Variants in SCARF2 observed in about 807,000 individuals in gnomAD.
SCARF2 encodes the protein scavenger receptor class F member 2.
Under a neutral mutation model 73.4 loss-of-function variants are expected in SCARF2, and 39 were observed. The ratio of observed to expected loss-of-function variants is 0.53; its 90% CI spans 0.41 to 0.69. SCARF2 has a LOEUF of 0.69. Among genes scored for constraint, SCARF2 ranks in the 30% least tolerant of loss-of-function variants. The probability of loss-of-function intolerance (pLI) is 0.00; values close to 1 mark genes in which losing one functional copy is unlikely to be tolerated. For missense variants in SCARF2, 1,148 were observed against 1,303.5 expected (o/e 0.88, Z 1.84); for synonymous variants, 605 against 590.0 (o/e 1.03, Z -0.37).
At chr22:20,431,884 G>C in intron 2 of SCARF2, 38 bp from the exon 3 acceptor site, 1 of 1,596,020 alleles carries the variant, frequency 6.3e-7, no homozygotes, top group Non-Finnish European at 8.5e-7. Context: ...GCGCGTCCTA[G>C]CCCCGCCCCC....
Position 20,430,999 on chromosome 22 carries a change from G to A in SCARF2, c.854+19C>T. The A allele has an allele frequency of 1.3e-6, 2 of 1,566,118 alleles. No homozygotes were observed. The highest frequency in any genetic ancestry group is 1.7e-6 in the Non-Finnish European group (2 of 1,164,154). Reference sequence around the variant, plus strand: ...CGCCCTTCCACCTCCTCCCTCCCTGGCCGAGAGACCGCGCTTACCGGCGGC... The same window carrying A: ...CGCCCTTCCACCTCCTCCCTCCCTGACCGAGAGACCGCGCTTACCGGCGGC... On this transcript the variant is annotated intron_variant, in intron 4 of 10. Coordinates refer to ENST00000622235, the MANE Select transcript of SCARF2 (RefSeq NM_182895.5).
At chr22:20,426,346 G>T in intron 10 of SCARF2, 64 bp from the exon 11 acceptor site, 1 of 1,509,154 alleles carries the variant, frequency 6.6e-7, no homozygotes, top group Non-Finnish European at 8.9e-7. Flanking sequence ...CCAACCTCCA[G>T]GCGCAAACCT....
Position 20,437,784 on chromosome 22 carries a change from G to C in SCARF2, c.-30C>G. ...CGCGGGGCAGGCGCGGGGCGGGCAC[G>C]GGCGCGGGTGCGGCCGCAGCGAGAG... On this transcript the variant is annotated 5_prime_UTR_variant, in exon 1 of 11. Coordinates refer to ENST00000622235, the MANE Select transcript of SCARF2 (RefSeq NM_182895.5). The C allele has an allele frequency of 3.3e-6, 3 of 917,832 alleles. No homozygotes were observed. Among genetic ancestry groups the C allele is most frequent in the South Asian group, 4.8e-5 (1 of 20,854 alleles). The allele number at this position is 917,832 out of a possible 1,614,324, so 56.9% of individuals were successfully genotyped here. A position where few individuals can be genotyped will look rare whatever the true frequency, so the allele number is the denominator to read the frequency against.
intron 6 of SCARF2, chr22:20,430,058 G>A: frequency 1.6e-6 from 1 of 621,510 alleles, no homozygotes; most frequent in Non-Finnish European, 2.8e-6. Context: ...GGGGCCTGGG[G>A]GATAGGACCC....
chr22:20,425,960 G>A lies in SCARF2; in HGVS notation c.2016C>T (p.His672=), dbSNP rs763225303. The A allele has an allele frequency of 6.3e-7, 1 of 1,594,514 alleles. No individual in the cohort carries two copies. The highest frequency in any genetic ancestry group is 1.7e-5 in the Admixed American group (1 of 59,176). The change falls in exon 11 of 11, where the codon CAC becomes CAT. Residue 672 remains histidine (H), a synonymous_variant. Transcript: ENST00000622235. This position sits in a 1 kb window ranked among gnomAD's most constrained non-coding sequence, Gnocchi z 4.6. ...GCGCACGGCCAGCTGCAGCGGCGCTGTGCTTGCCGTGGATCCAGGACACCT... is the reference window on the plus strand; with the variant it reads ...GCGCACGGCCAGCTGCAGCGGCGCTATGCTTGCCGTGGATCCAGGACACCT... ...KPKVSWIHGK[H]SAAAAGRAPS...
rs748485923 is a variant in SCARF2, at chr22:20,427,401, C to T, written c.1690G>A (p.Glu564Lys). ...GCCCAGGTAGGGCCTTACTTACCCTCATGGGGTACACAGTACACAGGGCCT... is the reference window on the plus strand; with the variant it reads ...GCCCAGGTAGGGCCTTACTTACCCTTATGGGGTACACAGTACACAGGGCCT... ...DEGPVYCVPHEEAPAESRDPE... is the reference protein window; with the variant it reads ...DEGPVYCVPHKEAPAESRDPE... The change falls in exon 10 of 11, where the codon GAG (glutamate) becomes AAG (lysine). Residue 564 changes from glutamate (E) to lysine (K), a missense_variant. Transcript: ENST00000622235. The T allele has an allele frequency of 9.3e-6, 15 of 1,614,058 alleles. No individual in the cohort carries two copies. The highest frequency in any genetic ancestry group is 3.3e-4 in the Middle Eastern group (2 of 6,060).
chr22:20,437,225 T>C (rs1314902958), intron 1 of SCARF2, among the ~76,000 whole-genome samples: 1 of 152,228 alleles, frequency 6.6e-6, no homozygotes, highest in East Asian at 1.9e-4. Flanking sequence ...CTTTAGCACA[T>C]GCAGTTCCTT....
chr22:20,429,293 C>G lies in SCARF2; in HGVS notation c.1472G>C (p.Arg491Pro), dbSNP rs1444785960. ...CAGCTTCATGCTGATGCGACTGAAG[C>G]GCCCGCATAGTCGGTGCGGCGCCTT... ...RKKAPHRLCG[R>P]FSRISMKLPR... Residue 491 changes from arginine to proline, a missense_variant, in exon 9 of 11, where the codon CGC becomes CCC. Physicochemically the swap from Arg to Pro is moderately radical, Grantham distance 103 (BLOSUM62 -2). Coordinates refer to ENST00000622235, the MANE Select transcript of SCARF2 (RefSeq NM_182895.5). This position sits in a 1 kb window ranked among gnomAD's most constrained non-coding sequence, Gnocchi z 5.2. The G allele has an allele frequency of 6.2e-7, 1 of 1,613,310 alleles. No individual in the cohort carries two copies.
chr22:20,425,331 C>T lies in SCARF2; in HGVS notation c.*44G>A, dbSNP rs776638483. On this transcript the variant is annotated 3_prime_UTR_variant, in exon 11 of 11. Coordinates refer to ENST00000622235, the MANE Select transcript of SCARF2 (RefSeq NM_182895.5). This position sits in a 1 kb window ranked among gnomAD's most constrained non-coding sequence, Gnocchi z 4.6. ...GTGGGAGGTGTGGGGTGGCGGGCGG[C>T]GCTGCGAAGCTGAGGGAGCTGCGCG... 5.9e-4 allele frequency: 784 copies of T among 1,328,954 alleles called. No homozygotes were observed. The highest frequency in any genetic ancestry group is 7.2e-4 in the Non-Finnish European group (740 of 1,032,260). 82.3% of individuals were successfully genotyped at this position (1,328,954 alleles called of 1,614,324 possible).
chr22:20,426,317 AG>A, intron 10 of SCARF2, 35 bp from the exon 11 acceptor site: 1 of 1,530,748 alleles, frequency 6.5e-7, no homozygotes, highest in Non-Finnish European at 8.7e-7. Flanking sequence ...CACAGCCTTC[AG>A]GAATACCTTT....
In SCARF2 at chr22:20,425,849, G is replaced by C. The variant is rs368807047; in HGVS notation, c.2127C>G (p.Val709=). 6 of 1,590,350 alleles carry C rather than the reference G, an allele frequency of 3.8e-6. No individual in the cohort carries two copies. Among genetic ancestry groups the C allele is most frequent in the Non-Finnish European group, 5.1e-6 (6 of 1,172,730 alleles). The change falls in exon 11 of 11, where the codon GTC becomes GTG. Residue 709 remains valine (V), a synonymous_variant. Coordinates refer to ENST00000622235, the MANE Select transcript of SCARF2 (RefSeq NM_182895.5). The surrounding 1 kb of genome is among the most constrained non-coding windows in gnomAD (Gnocchi z 4.6). ...CGCGGGTCCGGGGGCTGCCGTGTTCGACCGTATGCGCCGATTTGTCGCTGG... is the reference window on the plus strand; with the variant it reads ...CGCGGGTCCGGGGGCTGCCGTGTTCCACCGTATGCGCCGATTTGTCGCTGG... ...RTPSDKSAHT[V]EHGSPRTRDP... is the part of the protein sequence containing the mutation.
In SCARF2 at chr22:20,429,303, G is replaced by C; in HGVS notation, c.1462C>G (p.Leu488Val). ...CTGATGCGACTGAAGCGCCCGCATA[G>C]TCGGTGCGGCGCCTTCTTCCTCCCA... ...SLGRKKAPHR[L>V]CGRFSRISMK... The change falls in exon 9 of 11, where the codon CTA (leucine) becomes GTA (valine). Residue 488 changes from leucine (L) to valine (V), a missense_variant. This residue lies in a region of SCARF2 where 437 missense variants were observed against 433.6 expected (regional missense o/e 1.01). Coordinates refer to ENST00000622235, the MANE Select transcript of SCARF2 (RefSeq NM_182895.5). The surrounding 1 kb of genome is among the most constrained non-coding windows in gnomAD (Gnocchi z 5.2). 6.2e-7 allele frequency: 1 copy of C among 1,613,290 alleles called. No homozygotes were observed. Among genetic ancestry groups the C allele is most frequent in the Non-Finnish European group, 8.5e-7 (1 of 1,179,962 alleles).
Position 20,425,058 on chromosome 22 carries a change from G to T in SCARF2, c.*317C>A, listed in dbSNP as rs1220683592. On this transcript the variant is annotated 3_prime_UTR_variant, in exon 11 of 11. Transcript: ENST00000622235. This position sits in a 1 kb window ranked among gnomAD's most constrained non-coding sequence, Gnocchi z 4.6. ...AGTCCACTCCTGGCCAGTAAGAGGC[G>T]GTCTTTAAGCGGAACCCTCCCATCT... 3 of 322,092 alleles carry T rather than the reference G, an allele frequency of 9.3e-6. No individual in the cohort carries two copies. Among genetic ancestry groups the T allele is most frequent in the Non-Finnish European group, 1.7e-5 (3 of 176,642 alleles). 20.0% of individuals were successfully genotyped at this position (322,092 alleles called of 1,614,324 possible). A position where few individuals can be genotyped will look rare whatever the true frequency, so the allele number is the denominator to read the frequency against.
chr22:20,437,108 T>C (rs565891884), intron 1 of SCARF2, among the ~76,000 whole-genome samples: 6 of 152,224 alleles, frequency 3.9e-5, no homozygotes, highest in Admixed American at 1.3e-4. Context: ...CGCGAATCTG[T>C]CTTTCCAAGT....
intron 1 of SCARF2, among the ~76,000 whole-genome samples, chr22:20,435,423 C>T (rs1043458677): frequency 1.3e-5 from 2 of 152,168 alleles, no homozygotes; most frequent in Non-Finnish European, 2.9e-5. Flanking sequence ...ACCTGGCAGC[C>T]AATCCTGGTC....
chr22:20,427,491 G>A lies in SCARF2; in HGVS notation c.1600C>T (p.Leu534=), dbSNP rs529975990. 2.1e-4 allele frequency: 331 copies of A among 1,614,094 alleles called. 3 individuals are homozygous for A. In the South Asian group the frequency reaches 3.2e-3, roughly 16 times the overall value. Residue 534 remains leucine, a synonymous_variant, in exon 10 of 11, where the codon CTG becomes TTG. Coordinates refer to ENST00000622235, the MANE Select transcript of SCARF2 (RefSeq NM_182895.5). ...GACCAGGATGGTGAGGGCTGCTCCA[G>A]CCCTGAGGGTGGCTCCAGGAAGCTG... ...NCSFLEPPSG[L]EQPSPSWSSR... is the part of the protein sequence containing the mutation.
Position 20,426,182 on chromosome 22 carries a change from C to T in SCARF2, c.1794G>A (p.Glu598=), listed in dbSNP as rs1434893764. 6.6e-7 allele frequency: 1 copy of T among 1,510,206 alleles called. No individual in the cohort carries two copies. The highest frequency in any genetic ancestry group is 2.5e-5 in the East Asian group (1 of 40,034). The allele number at this position is 1,510,206 out of a possible 1,614,324, so 93.6% of individuals were successfully genotyped here. ...CGGAGGACGCGGGGAGGGGTATCGCCTCCTCGGCGGAGGCTGGCGTGGTCA... is the reference window on the plus strand; with the variant it reads ...CGGAGGACGCGGGGAGGGGTATCGCTTCCTCGGCGGAGGCTGGCGTGGTCA... ...VPLTTPASAE[E]AIPLPASSDS... Residue 598 remains glutamate (E), a synonymous_variant, in exon 11 of 11, where the codon GAG becomes GAA. Transcript: ENST00000622235.
Position 20,425,834 on chromosome 22 carries a change from G to T in SCARF2, c.2142C>A (p.Pro714=). The change falls in exon 11 of 11, where the codon CCC becomes CCA. Residue 714 remains proline, a synonymous_variant. Coordinates refer to ENST00000622235, the MANE Select transcript of SCARF2 (RefSeq NM_182895.5). The surrounding 1 kb of genome is among the most constrained non-coding windows in gnomAD (Gnocchi z 4.6). ...GCCGCGGCGTTGGGTCGCGGGTCCG[G>T]GGGCTGCCGTGTTCGACCGTATGCG... ...KSAHTVEHGS[P]RTRDPTPRPP... is the part of the protein sequence containing the mutation. 1 of 1,568,170 alleles carries T rather than the reference G, an allele frequency of 6.4e-7. No homozygotes were observed. The highest frequency in any genetic ancestry group is 8.6e-7 in the Non-Finnish European group (1 of 1,163,066).
chr22:20,430,228 CA>C (rs1370330067), intron 6 of SCARF2, among the ~76,000 whole-genome samples, 200 bp downstream of exon 6: 2 of 152,216 alleles, frequency 1.3e-5, no homozygotes, highest in African/African-American at 4.8e-5. Flanking sequence ...GACTGGTCAC[CA>C]GATCCTGCGC....
Sources: gnomAD v4.1 joint callset for allele counts (sites outside exome capture counted in the v4.1 genomes callset) on GRCh38, gnomAD v4.1.1 for gene constraint, gnomAD v4.1.1 regional missense constraint, Gnocchi (gnomAD v3.1) non-coding constraint, MANE v1.5 for transcripts, NCBI Gene and HGNC (gene_info 2026-07-23, HGNC 2026-07-21) for gene names.